The following CNTNAP2 variants were observed in gnomAD, a reference collection of about 807,000 sequenced individuals.
CNTNAP2 encodes contactin-associated protein-like 2.
A neutral mutation model predicts 155.2 loss-of-function variants in CNTNAP2; 98 were observed. The ratio of observed to expected loss-of-function variants is 0.63; its 90% CI spans 0.54 to 0.75. The LOEUF (loss-of-function observed/expected upper bound fraction) is 0.75. Ranked by LOEUF, CNTNAP2 falls within the 30% of genes least tolerant of loss-of-function variation. CNTNAP2 has a pLI of 0.00. For missense variants in CNTNAP2, 1,727 were observed against 1,688.1 expected (o/e 1.02, Z -0.40); for synonymous variants, 651 against 631.2 (o/e 1.03, Z -0.47).
chr7:146,931,284 A>C (rs1417845400), intron 3 of CNTNAP2, among the ~76,000 whole-genome samples: 2 of 152,086 alleles, frequency 1.3e-5, no homozygotes, highest in African/African-American at 4.8e-5. Flanking sequence ...TAAGAAACTC[A>C]CTCAAAACCG....
intron 15 of CNTNAP2, among the ~76,000 whole-genome samples, chr7:148,076,445 T>C (rs1803487893): frequency 7.5e-6 from 1 of 132,804 alleles, no homozygotes; most frequent in African/African-American, 2.8e-5. Context: ...TTTTTTTTTT[T>C]TTTTTTTTGA....
rs700294 is a variant in CNTNAP2, at chr7:147,335,802, T to G, written c.1498+35512T>G. Among the ~76,000 whole-genome samples the G allele has an allele frequency of 8.6e-4, 131 of 152,150 alleles. 1 individual carries two copies. In the East Asian group the frequency reaches 0.024, roughly 28 times the overall value. On this transcript the variant is annotated intron_variant, in intron 9 of 23. Coordinates refer to ENST00000361727, the MANE Select transcript of CNTNAP2 (RefSeq NM_014141.6). ...TACTGTACTCTTTTATTTTTAAATT[T>G]AGCCTTATTATTCCCAACAGGCAAC... is the stretch of plus-strand genomic sequence containing the variant.
chr7:147,341,090 G>GTGTATA (rs143428303), intron 9 of CNTNAP2, among the ~76,000 whole-genome samples: 27 of 140,284 alleles, frequency 1.9e-4, no homozygotes, highest in Middle Eastern at 3.4e-3. Context: ...GTGTGTGTGT[G>GTGTATA]TATATATATA....
intron 15 of CNTNAP2, among the ~76,000 whole-genome samples, chr7:148,042,588 CT>C (rs1464365399): frequency 6.6e-6 from 1 of 152,146 alleles, no homozygotes; most frequent in African/African-American, 2.4e-5. Context: ...GTTGTTTTTC[CT>C]CTCTGTTTTG....
chr7:147,426,502 C>A (rs376736353), intron 10 of CNTNAP2, among the ~76,000 whole-genome samples: 1 of 152,084 alleles, frequency 6.6e-6, no homozygotes, highest in Non-Finnish European at 1.5e-5. Context: ...TTCCACCGAG[C>A]AAAGATTTCT....
At chr7:147,382,594 A>G (rs1182404005) in intron 9 of CNTNAP2, among the ~76,000 whole-genome samples, 4 of 152,196 alleles carry the variant, frequency 2.6e-5, no homozygotes, top group Admixed American at 1.3e-4. Flanking sequence ...AACTTTGGAT[A>G]TATTAGTGTT....
At chr7:148,406,870 C>T (rs7793957) in intron 22 of CNTNAP2, among the ~76,000 whole-genome samples, 82,377 of 152,072 alleles carry the variant, frequency 0.54, 22,897 homozygotes, top group South Asian at 0.61. Context: ...AAGTTCATAA[C>T]TGAAACCACA....
At chr7:146,755,959 A>C (rs1367897352) in intron 1 of CNTNAP2, among the ~76,000 whole-genome samples, 3 of 151,970 alleles carry the variant, frequency 2.0e-5, no homozygotes, top group African/African-American at 7.2e-5. Flanking sequence ...CAATAAGTTT[A>C]TGAATATGAA....
chr7:148,415,150 T>G (rs1458204930), intron 23 of CNTNAP2, among the ~76,000 whole-genome samples: 1 of 152,238 alleles, frequency 6.6e-6, no homozygotes, highest in Non-Finnish European at 1.5e-5. Flanking sequence ...TCTGCCTGTT[T>G]TCTAATGTCT....
chr7:146,253,679 A>G (rs1203410511), intron 1 of CNTNAP2, among the ~76,000 whole-genome samples: 1 of 152,214 alleles, frequency 6.6e-6, no homozygotes, highest in Non-Finnish European at 1.5e-5. Context: ...AGATGATCAG[A>G]TATAATGGCC....
chr7:148,310,392 T>C (rs918278954), intron 21 of CNTNAP2, among the ~76,000 whole-genome samples: 3 of 152,230 alleles, frequency 2.0e-5, no homozygotes, highest in African/African-American at 7.2e-5. Context: ...AAGAGTCAAC[T>C]TGGGCCTGGA....
chr7:148,337,241 G>A (rs1798136454), intron 21 of CNTNAP2, among the ~76,000 whole-genome samples: 1 of 151,938 alleles, frequency 6.6e-6, no homozygotes, highest in South Asian at 2.1e-4. Context: ...CTGAGTCTGT[G>A]AGAGGCATCG....
chr7:148,237,486 A>G (rs1039022235), intron 20 of CNTNAP2, among the ~76,000 whole-genome samples: 4 of 152,204 alleles, frequency 2.6e-5, no homozygotes, highest in Non-Finnish European at 5.9e-5. Context: ...GTGTGTTCCA[A>G]AAGAGAACAT....
At chr7:147,092,393 A>C (rs1800426286) in intron 4 of CNTNAP2, among the ~76,000 whole-genome samples, 2 of 152,238 alleles carry the variant, frequency 1.3e-5, no homozygotes, top group Admixed American at 6.5e-5. Flanking sequence ...TTCAAAAGAA[A>C]ATGCCAGATC....
chr7:146,812,414 A>C (rs1803082285), intron 2 of CNTNAP2, among the ~76,000 whole-genome samples: 1 of 148,728 alleles, frequency 6.7e-6, no homozygotes, highest in South Asian at 2.1e-4. Context: ...CTGGCAGAAG[A>C]AATTTCTTTT....
Position 146,584,723 on chromosome 7 carries a change from C to G in CNTNAP2, c.98-189548C>G, listed in dbSNP as rs112706995. Among the ~76,000 whole-genome samples the G allele has an allele frequency of 6.5e-3, 997 of 152,282 alleles. 8 individuals carry two copies. Among genetic ancestry groups the G allele is most frequent in the African/African-American group, 0.022 (929 of 41,562 alleles). ...TTCCCCTGTGTCTCAGTGGCCTGAC[C>G]GTGCTCACTTCTGAAGCAATCCTAA... is the stretch of plus-strand genomic sequence containing the variant. On this transcript the variant is annotated intron_variant, in intron 1 of 23. Transcript: ENST00000361727.
At chr7:148,365,748 A>G (rs570139762) in intron 21 of CNTNAP2, among the ~76,000 whole-genome samples, 2,671 of 68,418 alleles carry the variant, frequency 0.039, 925 homozygotes, top group Non-Finnish European at 0.06. Flanking sequence ...GTATACATGT[A>G]TACATGTATG....
At chr7:147,338,224 C>T (rs1476226969) in intron 9 of CNTNAP2, among the ~76,000 whole-genome samples, 1 of 152,088 alleles carries the variant, frequency 6.6e-6, no homozygotes, top group Non-Finnish European at 1.5e-5. Flanking sequence ...ATGCCAGGTG[C>T]TTATAACCAT....
chr7:146,207,638 T>A (rs1798967039), intron 1 of CNTNAP2, among the ~76,000 whole-genome samples: 1 of 20,420 alleles, frequency 4.9e-5, no homozygotes, highest in Admixed American at 5.1e-4. Context: ...CAGGACTGTG[T>A]TTTTTTTTTT....
Sources: gnomAD v4.1 joint callset for allele counts (sites outside exome capture counted in the v4.1 genomes callset) on GRCh38, gnomAD v4.1.1 for gene constraint, MANE v1.5 for transcripts, NCBI Gene and HGNC (gene_info 2026-07-23, HGNC 2026-07-21) for gene names.